The following EIF2AK2 variants were observed in gnomAD, a reference collection of about 807,000 sequenced individuals.
EIF2AK2 encodes the protein interferon-induced, double-stranded RNA-activated protein kinase.
EIF2AK2 carries 40 observed loss-of-function variants against 70.5 expected under a neutral mutation model. The ratio of observed to expected loss-of-function variants is 0.57; its 90% CI spans 0.44 to 0.74. The LOEUF is 0.74. Ranked by LOEUF, EIF2AK2 falls within the 30% of genes least tolerant of loss-of-function variation. EIF2AK2 has a pLI of 0.00. For missense variants in EIF2AK2, 555 were observed against 644.3 expected (o/e 0.86, Z 1.50); for synonymous variants, 198 against 220.9 (o/e 0.90, Z 0.92).
chr2:37,110,776 A>G (rs1426896466), intron 14 of EIF2AK2, among the ~76,000 whole-genome samples: 6 of 152,242 alleles, frequency 3.9e-5, no homozygotes, highest in African/African-American at 1.4e-4. Flanking sequence ...AAATAAAAGC[A>G]ATCAACCCAA....
chr2:37,148,014 T>C (rs1675615452), intron 2 of EIF2AK2, among the ~76,000 whole-genome samples, 192 bp from the exon 3 acceptor site: 1 of 152,184 alleles, frequency 6.6e-6, no homozygotes, highest in African/African-American at 2.4e-5. Context: ...TAAAGTTAAT[T>C]TCTCCAAAAT....
In EIF2AK2 at chr2:37,138,324, A is replaced by G; in HGVS notation, c.633T>C (p.Asp211=). Residue 211 remains aspartate, a synonymous_variant, in exon 8 of 17, where the codon GAT becomes GAC. Coordinates refer to ENST00000233057, the MANE Select transcript of EIF2AK2 (RefSeq NM_001135651.3). ...ESSSEGDFSA[D]TSEINSNSDS... ...CACTGTTAGAATTTATCTCTGATGT[A>G]TCTGCTGAGAAGTCACCTTCAGATG... The G allele has an allele frequency of 2.5e-6, 4 of 1,614,004 alleles. No homozygotes were observed. The highest frequency in any genetic ancestry group is 1.1e-5 in the South Asian group (1 of 91,068).
chr2:37,137,389 T>C (rs547163640), intron 8 of EIF2AK2, among the ~76,000 whole-genome samples: 4 of 152,368 alleles, frequency 2.6e-5, no homozygotes, highest in African/African-American at 4.8e-5. Context: ...CAGAATACTC[T>C]TGTAACACTA....
intron 3 of EIF2AK2, 29 bp downstream of exon 3, chr2:37,147,659 C>G: frequency 7.1e-7 from 1 of 1,415,600 alleles, no homozygotes; most frequent in South Asian, 1.1e-5. Flanking sequence ...TTTTTTATGG[C>G]TGCCATATCA....
chr2:37,144,364 TA>T (rs35471741), intron 4 of EIF2AK2, among the ~76,000 whole-genome samples: 2 of 146,908 alleles, frequency 1.4e-5, no homozygotes, highest in African/African-American at 2.5e-5. Context: ...TCCTTCTACT[TA>T]AAAAAAAAAA....
At position 37,146,955 on chromosome 2, in the gene EIF2AK2, T is replaced by G; in HGVS notation, c.138A>C (p.Ile46=). The change falls in exon 4 of 17, where the codon ATA becomes ATC. Residue 46 remains isoleucine (I), a synonymous_variant. Coordinates refer to ENST00000233057, the MANE Select transcript of EIF2AK2 (RefSeq NM_001135651.3). ...PHDRRFTFQV[I]IDGREFPEGE... ...CTTCTGGAAATTCTCTTCCATCTAT[T>G]ATAACTTGAAATGTAAACCTGATTA... 1.9e-6 allele frequency: 3 copies of G among 1,612,300 alleles called. No homozygotes were observed. Among genetic ancestry groups the G allele is most frequent in the Non-Finnish European group, 2.5e-6 (3 of 1,179,312 alleles).
At chr2:37,138,146 A>G (rs985616210) in intron 8 of EIF2AK2, 124 bp downstream of exon 8, 37 of 669,132 alleles carry the variant, frequency 5.5e-5, no homozygotes, top group Admixed American at 3.4e-5. Flanking sequence ...AGGTATTATC[A>G]TTTAGTAAGA....
At chr2:37,143,257 G>T in intron 4 of EIF2AK2, among the ~76,000 whole-genome samples, 1 of 151,044 alleles carries the variant, frequency 6.6e-6, no homozygotes, top group African/African-American at 2.4e-5. Context: ...ATGTTGGTCT[G>T]GGTGGTTCTA....
intron 9 of EIF2AK2, 133 bp from the exon 10 acceptor site, chr2:37,135,679 A>T: frequency 1.4e-6 from 1 of 735,476 alleles, no homozygotes; most frequent in South Asian, 1.9e-5. Context: ...CCCAGCCTGG[A>T]GTGCAGTGGT....
In EIF2AK2 at chr2:37,153,337, C is replaced by CTCTTT. The variant is rs777537067; in HGVS notation, c.-184+3570_-184+3571insAAAGA. Among the ~76,000 whole-genome samples, 326 of 109,874 alleles carry CTCTTT rather than the reference C, an allele frequency of 3.0e-3. 21 individuals carry two copies. Among genetic ancestry groups the CTCTTT allele is most frequent in the African/African-American group, 9.7e-3 (292 of 30,244 alleles). 72.1% of individuals were successfully genotyped at this position (109,874 alleles called of 152,430 possible). Reference sequence around the variant, plus strand: ...CCCAGTCCTTTCAGTCTCTGCTAATCTTTTTTTTTTTTTTTTTTTTTGAGA... The same window carrying CTCTTT: ...CCCAGTCCTTTCAGTCTCTGCTAATCTCTTTTTTTTTTTTTTTTTTTTTTTTGAGA... On this transcript the variant is annotated intron_variant, in intron 1 of 16. Coordinates refer to ENST00000233057, the MANE Select transcript of EIF2AK2 (RefSeq NM_001135651.3).
At position 37,103,347 on chromosome 2, in the gene EIF2AK2, C is replaced by T. The variant is rs1218882703; in HGVS notation, c.*3926G>A. 6.6e-6 allele frequency: 1 copy of T among 152,260 alleles called. No individual in the cohort carries two copies. Among genetic ancestry groups the T allele is most frequent in the East Asian group, 1.9e-4 (1 of 5,168 alleles). The allele number at this position is 152,260 out of a possible 1,614,324, so 9.4% of individuals were successfully genotyped here. On this transcript the variant is annotated 3_prime_UTR_variant, in exon 17 of 17. Coordinates refer to ENST00000233057, the MANE Select transcript of EIF2AK2 (RefSeq NM_001135651.3). Reference sequence around the variant, plus strand: ...AGTAGCTGGGATTACAGGCGCCTACCACCACACCCAGCTAATTTTTGTATT... The same window carrying T: ...AGTAGCTGGGATTACAGGCGCCTACTACCACACCCAGCTAATTTTTGTATT...
At chr2:37,107,599 G>T in intron 15 of EIF2AK2, 72 bp from the exon 16 acceptor site, 1 of 1,488,440 alleles carries the variant, frequency 6.7e-7, no homozygotes, top group Non-Finnish European at 9.1e-7. Flanking sequence ...TAAAGGCTGA[G>T]GAATACCTGA....
rs1673992650 is a variant in EIF2AK2, at chr2:37,107,246, G to GAA, written c.*25_*26dup. ...ATAATTTAAGGAAAACTGCATATCA[G>GAA]AAGCAGGATACTTTTTCAGAAGGGC... On this transcript the variant is annotated 3_prime_UTR_variant, in exon 17 of 17. Coordinates refer to ENST00000233057, the MANE Select transcript of EIF2AK2 (RefSeq NM_001135651.3). 2 of 1,599,912 alleles carry GAA rather than the reference G, an allele frequency of 1.3e-6. No individual in the cohort carries two copies. Among genetic ancestry groups the GAA allele is most frequent in the East Asian group, 4.5e-5 (2 of 44,718 alleles).
At chr2:37,124,644 A>G (rs1255067038) in intron 11 of EIF2AK2, among the ~76,000 whole-genome samples, 1 of 151,930 alleles carries the variant, frequency 6.6e-6, no homozygotes, top group African/African-American at 2.4e-5. Flanking sequence ...ACTGCTGGAT[A>G]TTTTGTTTGT....
chr2:37,155,939 CAA>C (rs756767460), intron 1 of EIF2AK2, among the ~76,000 whole-genome samples: 7 of 110,798 alleles, frequency 6.3e-5, no homozygotes, highest in Admixed American at 1.9e-4. Flanking sequence ...GAATCTGTCT[CAA>C]AAAAAAAAAA....
intron 1 of EIF2AK2, among the ~76,000 whole-genome samples, chr2:37,151,141 T>C (rs1043361610): frequency 2.6e-5 from 4 of 152,118 alleles, no homozygotes; most frequent in Non-Finnish European, 5.9e-5. Context: ...CAAAGGACAC[T>C]ATGAAGAAAA....
chr2:37,139,084 G>A (rs1412845845), intron 6 of EIF2AK2, among the ~76,000 whole-genome samples: 2 of 151,844 alleles, frequency 1.3e-5, no homozygotes, highest in East Asian at 3.9e-4. Context: ...TTAGGAGGCT[G>A]AGGTGGGTGG....
At chr2:37,120,972 A>AC (rs1251515804) in intron 12 of EIF2AK2, among the ~76,000 whole-genome samples, 1 of 149,376 alleles carries the variant, frequency 6.7e-6, no homozygotes, top group Non-Finnish European at 1.5e-5. Flanking sequence ...TCAAAAAAAA[A>AC]AAAAGAAGAG....
chr2:37,142,999 C>T (rs184120952), intron 4 of EIF2AK2, among the ~76,000 whole-genome samples: 11 of 152,182 alleles, frequency 7.2e-5, no homozygotes, highest in Admixed American at 2.0e-4. Flanking sequence ...GAGACCAAAG[C>T]GAGTGGATCA....
Sources: allele counts gnomAD v4.1 joint callset (sites outside exome capture counted in the v4.1 genomes callset), GRCh38; gene constraint gnomAD v4.1.1; transcripts MANE v1.5; gene names NCBI Gene and HGNC (gene_info 2026-07-23, HGNC 2026-07-21).